Variants in SGCD observed in about 807,000 individuals in gnomAD.
The protein encoded by SGCD is sarcoglycan delta, also known as delta-sarcoglycan.
In SGCD, 18 loss-of-function variants were observed where a neutral mutation model predicts 36.6. That is an observed-to-expected ratio of 0.49 (90% CI 0.34 to 0.73). The LOEUF (loss-of-function observed/expected upper bound fraction) is 0.73, where lower values mean the gene tolerates loss of function less well. SGCD is among the 30% of genes least tolerant of loss of function. The pLI, the probability that SGCD is intolerant of heterozygous loss-of-function variation, is 0.01. For missense variants in SGCD, 387 were observed against 346.7 expected (o/e 1.12, Z -0.92); for synonymous variants, 133 against 130.6 (o/e 1.02, Z -0.12).
intron 3 of SGCD, among the ~76,000 whole-genome samples, chr5:156,354,524 T>C (rs997177021): frequency 2.6e-5 from 4 of 152,342 alleles, no homozygotes; most frequent in Non-Finnish European, 2.9e-5. Flanking sequence ...ATTTGGACAA[T>C]ATTCGTGACC....
chr5:156,179,317 C>T (rs1763547687), intron 3 of SGCD, among the ~76,000 whole-genome samples: 1 of 152,104 alleles, frequency 6.6e-6, no homozygotes, highest in South Asian at 2.1e-4. Flanking sequence ...CAGCTACATG[C>T]AATTTTTCAT....
At chr5:156,475,134 A>T (rs1446790382) in intron 3 of SGCD, among the ~76,000 whole-genome samples, 1 of 152,176 alleles carries the variant, frequency 6.6e-6, no homozygotes, top group African/African-American at 2.4e-5. Context: ...CTACCCTTTT[A>T]TACCAACAGT....
intron 7 of SGCD, among the ~76,000 whole-genome samples, chr5:156,668,801 T>G (rs1753165649): frequency 1.3e-5 from 2 of 152,266 alleles, no homozygotes; most frequent in South Asian, 4.1e-4. Flanking sequence ...GGGTGAAATG[T>G]ATGCCCTGAT....
chr5:155,750,318 G>A, the SGCD span, among the ~76,000 whole-genome samples: 5,913 of 152,218 alleles, frequency 0.039, 230 homozygotes, highest in African/African-American at 0.098. Flanking sequence ...ATTGTTCTAC[G>A]AATGTACAGA....
intron 3 of SGCD, among the ~76,000 whole-genome samples, chr5:156,229,824 A>G (rs1489791857): frequency 1.3e-5 from 2 of 152,106 alleles, no homozygotes; most frequent in Admixed American, 1.3e-4. Flanking sequence ...GTTTAACATA[A>G]TCTCAGACTT....
chr5:155,890,278 C>A (rs983217413), intron 1 of SGCD, among the ~76,000 whole-genome samples: 2 of 151,940 alleles, frequency 1.3e-5, no homozygotes, highest in Admixed American at 6.6e-5. Context: ...TATGGCCAAG[C>A]CTTAAGGGAA....
chr5:156,569,503 A>G (rs1185289570), intron 4 of SGCD, among the ~76,000 whole-genome samples: 10 of 152,002 alleles, frequency 6.6e-5, no homozygotes, highest in Non-Finnish European at 1.3e-4. Flanking sequence ...GAGGCAGGAG[A>G]ATCGCTTGAA....
chr5:156,208,022 A>G (rs577166857), intron 3 of SGCD, among the ~76,000 whole-genome samples: 6 of 152,342 alleles, frequency 3.9e-5, no homozygotes, highest in Non-Finnish European at 8.8e-5. Context: ...ACCATTATCA[A>G]TAAGCATACA....
intron 3 of SGCD, among the ~76,000 whole-genome samples, chr5:156,266,417 C>A (rs1766001259): frequency 6.6e-6 from 1 of 152,134 alleles, no homozygotes; most frequent in African/African-American, 2.4e-5. Context: ...ATATAAGGTT[C>A]AAAACCATTT....
chr5:156,072,159 T>G (rs1414650259), intron 1 of SGCD, among the ~76,000 whole-genome samples: 1 of 149,536 alleles, frequency 6.7e-6, no homozygotes, highest in Admixed American at 6.6e-5. Flanking sequence ...ATGTGTGAAT[T>G]TGATCCTGTC....
chr5:156,731,819 T>C lies in SGCD; in HGVS notation c.576-25762T>C, dbSNP rs149337737. On this transcript the variant is annotated intron_variant, in intron 7 of 8. Coordinates refer to ENST00000337851, the MANE Select transcript of SGCD (RefSeq NM_000337.6). ...TCCATGAGCATGGAATGTTTTTCCA[T>C]TTGTGCCATCTCATTGAGCAGTGGT... Among the ~76,000 whole-genome samples, 1,032 of 152,206 alleles carry C rather than the reference T, an allele frequency of 6.8e-3. 5 individuals carry two copies. Among genetic ancestry groups the C allele is most frequent in the Non-Finnish European group, 0.012 (788 of 67,932 alleles).
intron 1 of SGCD, among the ~76,000 whole-genome samples, chr5:156,007,100 C>T (rs967200870): frequency 6.6e-6 from 1 of 152,200 alleles, no homozygotes; most frequent in Admixed American, 6.5e-5. Context: ...CTGCTACTTC[C>T]CTGGTCTATT....
At chr5:156,653,102 G>T (rs1763523856) in intron 7 of SGCD, among the ~76,000 whole-genome samples, 1 of 152,060 alleles carries the variant, frequency 6.6e-6, no homozygotes, top group Non-Finnish European at 1.5e-5. Flanking sequence ...GGTGATGCTG[G>T]CTTCCTAGAA....
chr5:156,320,206 A>T (rs1767622033), intron 3 of SGCD, among the ~76,000 whole-genome samples: 1 of 151,614 alleles, frequency 6.6e-6, no homozygotes, highest in African/African-American at 2.4e-5. Flanking sequence ...TCATTCAAGA[A>T]GTTTACCATT....
At chr5:156,095,827 A>C (rs548703003) in intron 1 of SGCD, among the ~76,000 whole-genome samples, 17 of 152,316 alleles carry the variant, frequency 1.1e-4, no homozygotes, top group Admixed American at 9.8e-4. Context: ...CTGAGTCCTA[A>C]TGGAACAAAG....
At chr5:156,712,731 T>C (rs1049198104) in intron 7 of SGCD, among the ~76,000 whole-genome samples, 1 of 152,172 alleles carries the variant, frequency 6.6e-6, no homozygotes, top group East Asian at 1.9e-4. Flanking sequence ...CAAGCCCTTG[T>C]GCTCCACCCT....
At chr5:155,950,845 T>C (rs1467066929) in intron 1 of SGCD, among the ~76,000 whole-genome samples, 1 of 152,206 alleles carries the variant, frequency 6.6e-6, no homozygotes, top group Non-Finnish European at 1.5e-5. Context: ...TAATTATTGA[T>C]TCCTGTGCTG....
intron 7 of SGCD, among the ~76,000 whole-genome samples, chr5:156,699,730 A>G (rs558575720): frequency 1.3e-5 from 2 of 152,036 alleles, no homozygotes; most frequent in East Asian, 3.9e-4. Context: ...GACAAGATCC[A>G]CAATCACTCA....
At chr5:155,948,764 C>G (rs1757496067) in intron 1 of SGCD, among the ~76,000 whole-genome samples, 1 of 152,172 alleles carries the variant, frequency 6.6e-6, no homozygotes, top group African/African-American at 2.4e-5. Context: ...CTTTACTGAA[C>G]TATTTTTTGT....
Sources: gnomAD v4.1 joint callset for allele counts (sites outside exome capture counted in the v4.1 genomes callset) on GRCh38, gnomAD v4.1.1 for gene constraint, MANE v1.5 for transcripts, NCBI Gene and HGNC (gene_info 2026-07-23, HGNC 2026-07-21) for gene names.